Variants in UBAC2 observed in about 807,000 individuals in gnomAD.
The protein encoded by UBAC2 is ubiquitin-associated domain-containing protein 2.
Under a neutral mutation model 44.0 loss-of-function variants are expected in UBAC2, and 26 were observed. That is an observed-to-expected ratio of 0.59 (90% CI 0.43 to 0.82). The LOEUF (loss-of-function observed/expected upper bound fraction) is 0.82, where lower values mean the gene tolerates loss of function less well. Among genes scored for constraint, UBAC2 ranks in the 40% least tolerant of loss-of-function variants. The pLI, the probability that UBAC2 is intolerant of heterozygous loss-of-function variation, is 0.00. For synonymous variants in UBAC2, 155 were observed against 154.3 expected, an observed-to-expected ratio of 1.00 and a Z score of -0.04; for missense variants, 329 against 419.4, an observed-to-expected ratio of 0.78 and a Z score of 1.88.
chr13:99,268,509 G>A (rs1011645243), intron 4 of UBAC2, among the ~76,000 whole-genome samples: 4 of 151,278 alleles, frequency 2.6e-5, no homozygotes, highest in African/African-American at 9.7e-5. Flanking sequence ...CTAGGAGGCT[G>A]AGGTGGGAGG....
intron 4 of UBAC2, among the ~76,000 whole-genome samples, chr13:99,286,240 A>G (rs2138696758): frequency 6.6e-6 from 1 of 152,352 alleles, no homozygotes; most frequent in East Asian, 1.9e-4. Flanking sequence ...AGAATGTAAC[A>G]TTTATATTTG....
rs2043739460 is a variant in UBAC2 at position 99,266,062 on chromosome 13, CT to C, written c.389+21439del. Reference sequence around the variant, plus strand: ...ATAAATACTGTGCTTCTACTGCCACCTACAGATGATTAGTGGGTCTTGGAGC... The same window carrying C: ...ATAAATACTGTGCTTCTACTGCCACCACAGATGATTAGTGGGTCTTGGAGC... On this transcript the variant is annotated intron_variant, in intron 4 of 8. Transcript: ENST00000403766. 3.9e-5 allele frequency among the ~76,000 whole-genome samples: 6 copies of C among 152,234 alleles called. No individual in the cohort carries two copies. In the South Asian group the frequency reaches 1.2e-3, roughly 32 times the overall value.
intron 8 of UBAC2, among the ~76,000 whole-genome samples, chr13:99,375,061 A>G (rs757939834): frequency 6.6e-6 from 1 of 152,196 alleles, no homozygotes; most frequent in Non-Finnish European, 1.5e-5. Flanking sequence ...TTACAATGAA[A>G]TACTAGATGG....
At chr13:99,252,604 C>T (rs2043471770) in intron 4 of UBAC2, among the ~76,000 whole-genome samples, 1 of 152,182 alleles carries the variant, frequency 6.6e-6, no homozygotes, top group South Asian at 2.1e-4. Context: ...TTTCTAGTAA[C>T]TCATTCCTGC....
intron 6 of UBAC2, among the ~76,000 whole-genome samples, chr13:99,327,229 A>G (rs971342831): frequency 1.3e-5 from 2 of 152,218 alleles, no homozygotes; most frequent in Admixed American, 1.3e-4. Context: ...AGGATAATTT[A>G]AAGTATATTA....
intron 8 of UBAC2, among the ~76,000 whole-genome samples, chr13:99,382,761 T>G (rs1483272583): frequency 6.6e-6 from 1 of 152,038 alleles, no homozygotes; most frequent in East Asian, 1.9e-4. Context: ...AGGACTTCGC[T>G]CTGGGGGCCT....
chr13:99,355,084 A>G (rs2045157218), intron 7 of UBAC2, among the ~76,000 whole-genome samples: 1 of 152,236 alleles, frequency 6.6e-6, no homozygotes, highest in Non-Finnish European at 1.5e-5. Flanking sequence ...CACGGAGGAA[A>G]TGTAAGAAGA....
chr13:99,295,889 G>A lies in UBAC2; in HGVS notation c.390-18208G>A. 2 of 1,611,954 alleles carry A rather than the reference G, an allele frequency of 1.2e-6. No individual in the cohort carries two copies. The highest frequency in any genetic ancestry group is 1.7e-4 in the Middle Eastern group (1 of 6,050). ...GCCCATTGCATAGTAGGCTATTCGT[G>A]TAGGCAAAGCGGTGGTAAAAAGTAT... On this transcript the variant is annotated intron_variant, in intron 4 of 8. Coordinates refer to ENST00000403766, the MANE Select transcript of UBAC2 (RefSeq NM_001144072.2). This position sits in a 1 kb window ranked among gnomAD's most constrained non-coding sequence, Gnocchi z 4.1.
At chr13:99,206,761 A>G (rs943986576) in intron 1 of UBAC2, among the ~76,000 whole-genome samples, 3 of 152,118 alleles carry the variant, frequency 2.0e-5, no homozygotes, top group African/African-American at 7.2e-5. Context: ...GGATTCAGTC[A>G]TCTCCCTATG....
chr13:99,343,898 G>A (rs2044932154), intron 7 of UBAC2, among the ~76,000 whole-genome samples: 3 of 152,210 alleles, frequency 2.0e-5, no homozygotes, highest in Non-Finnish European at 4.4e-5. Context: ...AATACCAGGA[G>A]AAAAGTTTAT....
intron 1 of UBAC2, chr13:99,215,620 CAT>C (rs1211477707): frequency 6.1e-6 from 8 of 1,321,342 alleles, no homozygotes; most frequent in East Asian, 2.3e-5. Flanking sequence ...GTTGCACCCA[CAT>C]GTCTGTGACC....
chr13:99,241,080 A>T (rs1186594693), intron 2 of UBAC2, among the ~76,000 whole-genome samples: 1 of 152,016 alleles, frequency 6.6e-6, no homozygotes, highest in East Asian at 1.9e-4. Flanking sequence ...CCTGGGCAAC[A>T]TGGCAAAACA....
chr13:99,328,980 T>A (rs1327824080), intron 6 of UBAC2, among the ~76,000 whole-genome samples: 1 of 152,214 alleles, frequency 6.6e-6, no homozygotes, highest in Non-Finnish European at 1.5e-5. Flanking sequence ...CCAGTTTGAG[T>A]ATAATTCTTT....
intron 6 of UBAC2, among the ~76,000 whole-genome samples, chr13:99,321,545 A>T (rs1380517942): frequency 6.6e-6 from 1 of 152,154 alleles, no homozygotes; most frequent in Non-Finnish European, 1.5e-5. Context: ...TCCTGACGTC[A>T]GGGGATCCAT....
chr13:99,329,011 ATTCTT>A, intron 6 of UBAC2, among the ~76,000 whole-genome samples: 1 of 152,332 alleles, frequency 6.6e-6, no homozygotes, highest in East Asian at 1.9e-4. Flanking sequence ...GGTAAGATTT[ATTCTT>A]TTCCACACAG....
chr13:99,247,903 AAC>A (rs1346340558), intron 4 of UBAC2, among the ~76,000 whole-genome samples: 9 of 150,836 alleles, frequency 6.0e-5, no homozygotes, highest in African/African-American at 2.2e-4. Context: ...ACTATATAGG[AAC>A]TTCTCTTATA....
intron 6 of UBAC2, among the ~76,000 whole-genome samples, chr13:99,338,039 C>CTTTTTTTTTTTTTTTT (rs747905404): frequency 1.9e-4 from 17 of 91,562 alleles, no homozygotes; most frequent in South Asian, 9.2e-4. Flanking sequence ...AACTTTTTTT[C>CTTTTTTTTTTTTTTTT]TTTTTTTCTT....
At chr13:99,379,786 TTTC>T (rs2045526839) in intron 8 of UBAC2, among the ~76,000 whole-genome samples, 1 of 152,252 alleles carries the variant, frequency 6.6e-6, no homozygotes, top group Non-Finnish European at 1.5e-5. Flanking sequence ...TGCTCTCCAC[TTTC>T]TCCAACAGCT....
intron 1 of UBAC2, among the ~76,000 whole-genome samples, chr13:99,225,976 A>T (rs1449285236): frequency 2.0e-5 from 3 of 152,216 alleles, no homozygotes; most frequent in Non-Finnish European, 4.4e-5. Context: ...AAGTGCTATG[A>T]AAAAAGCAGG....
Sources: gnomAD v4.1 joint callset for allele counts (sites outside exome capture counted in the v4.1 genomes callset) on GRCh38, gnomAD v4.1.1 for gene constraint, Gnocchi (gnomAD v3.1) non-coding constraint, MANE v1.5 for transcripts, NCBI Gene and HGNC (gene_info 2026-07-23, HGNC 2026-07-21) for gene names.